Variants in OSBPL3 observed in about 807,000 individuals in gnomAD.
The protein encoded by OSBPL3 is oxysterol-binding protein-related protein 3.
A neutral mutation model predicts 120.1 loss-of-function variants in OSBPL3; 65 were observed. That is an observed-to-expected ratio of 0.54 (90% CI 0.44 to 0.67). The LOEUF (loss-of-function observed/expected upper bound fraction) is 0.67. Among genes scored for constraint, OSBPL3 ranks in the 30% least tolerant of loss-of-function variants. The pLI is 0.00. For missense variants in OSBPL3, 1,004 were observed against 1,082.1 expected (o/e 0.93, Z 1.01); for synonymous variants, 416 against 402.6 (o/e 1.03, Z -0.40).
At chr7:24,981,040 T>C (rs1449357712), upstream of OSBPL3, among the ~76,000 whole-genome samples, 1 of 151,892 alleles carries the variant, frequency 6.6e-6, no homozygotes, top group Non-Finnish European at 1.5e-5. The surrounding 1 kb of genome is among the most constrained non-coding windows in gnomAD (Gnocchi z 7.3). Context: ...GAGCACCTAG[T>C]ATATGCCAGG....
intron 1 of OSBPL3, among the ~76,000 whole-genome samples, chr7:24,963,720 T>C (rs1816052754): frequency 6.6e-6 from 1 of 152,230 alleles, no homozygotes; most frequent in South Asian, 2.1e-4. Flanking sequence ...TAACCTTAGA[T>C]AAACCATTTC....
chr7:24,938,833 G>T lies in OSBPL3; in HGVS notation c.-150+41053C>A, dbSNP rs867940448. ...TGTGTGTGTGTGTGTGTGTGTGTGTGTTTTGAGAGCAAAACTAATGTGGCC... is the reference window on the plus strand; with the variant it reads ...TGTGTGTGTGTGTGTGTGTGTGTGTTTTTTGAGAGCAAAACTAATGTGGCC... On this transcript the variant is annotated intron_variant, in intron 1 of 22. Transcript: ENST00000313367. This position sits in a 1 kb window ranked among gnomAD's most constrained non-coding sequence, Gnocchi z 5.8. 2.9e-3 allele frequency among the ~76,000 whole-genome samples: 390 copies of T among 136,458 alleles called. 2 individuals are homozygous for T. Among genetic ancestry groups the T allele is most frequent in the African/African-American group, 0.01 (373 of 36,854 alleles). 89.5% of individuals were successfully genotyped at this position (136,458 alleles called of 152,430 possible).
At chr7:24,845,577 C>T (rs1266116217) in intron 12 of OSBPL3, among the ~76,000 whole-genome samples, 2 of 149,652 alleles carry the variant, frequency 1.3e-5, no homozygotes, top group Admixed American at 6.7e-5. Flanking sequence ...TTAGCATTAT[C>T]TCAGTCTGTC....
intron 1 of OSBPL3, among the ~76,000 whole-genome samples, chr7:24,931,324 T>G (rs550279800): frequency 6.6e-5 from 10 of 152,316 alleles, no homozygotes; most frequent in Non-Finnish European, 1.3e-4. Context: ...CACAAATATG[T>G]CCATGTTCTA....
chr7:24,905,184 G>A (rs773964799), intron 1 of OSBPL3, among the ~76,000 whole-genome samples: 1 of 151,888 alleles, frequency 6.6e-6, no homozygotes, highest in Admixed American at 6.6e-5. Context: ...AAGCATCGGG[G>A]GTCAAGAGGA....
At chr7:24,911,614 T>G (rs1808828678) in intron 1 of OSBPL3, among the ~76,000 whole-genome samples, 1 of 152,210 alleles carries the variant, frequency 6.6e-6, no homozygotes, top group Non-Finnish European at 1.5e-5. Context: ...ACCCTGGGAC[T>G]CAGAATCTAA....
At position 24,937,289 on chromosome 7, in the gene OSBPL3, TG is replaced by T. The variant is rs34883240; in HGVS notation, c.-150+42596del. Among the ~76,000 whole-genome samples, 1 of 152,144 alleles carries T rather than the reference TG, an allele frequency of 6.6e-6. No individual in the cohort carries two copies. On this transcript the variant is annotated intron_variant, in intron 1 of 22. Coordinates refer to ENST00000313367, the MANE Select transcript of OSBPL3 (RefSeq NM_015550.4). This position sits in a 1 kb window ranked among gnomAD's most constrained non-coding sequence, Gnocchi z 4.0. ...CCCACCAGGTCCCTCCCACAACACG[TG>T]GGGATTATGGGAACTACAATTCAAG...
intron 1 of OSBPL3, among the ~76,000 whole-genome samples, chr7:24,969,173 T>C (rs796283615): frequency 1.1e-4 from 17 of 152,364 alleles, no homozygotes; most frequent in African/African-American, 3.8e-4. Context: ...CATTTTGTGA[T>C]GTCTGCCAAC....
At chr7:24,954,552 C>T (rs1393077906) in intron 1 of OSBPL3, among the ~76,000 whole-genome samples, 1 of 151,988 alleles carries the variant, frequency 6.6e-6, no homozygotes, top group African/African-American at 2.4e-5. Flanking sequence ...CTCAGTGCTG[C>T]CTGGTCAATT....
In OSBPL3 at chr7:24,798,329, T is replaced by C. The variant is rs1194855134; in HGVS notation, c.*1854A>G. The C allele has an allele frequency of 2.6e-5, 4 of 152,230 alleles. No individual in the cohort carries two copies. Among genetic ancestry groups the C allele is most frequent in the Non-Finnish European group, 5.9e-5 (4 of 68,042 alleles). 9.4% of individuals were successfully genotyped at this position (152,230 alleles called of 1,614,324 possible). On this transcript the variant is annotated 3_prime_UTR_variant, in exon 23 of 23. Transcript: ENST00000313367. The surrounding 1 kb of genome is among the most constrained non-coding windows in gnomAD (Gnocchi z 4.6). ...AATTTAACAGCCAATATTACCACGATTCTACATTTATCCTCACACTGTGGA... is the reference window on the plus strand; with the variant it reads ...AATTTAACAGCCAATATTACCACGACTCTACATTTATCCTCACACTGTGGA...
At position 24,849,870 on chromosome 7, in the gene OSBPL3, G is replaced by T. The variant is rs1798922774; in HGVS notation, c.1159-694C>A. On this transcript the variant is annotated intron_variant, in intron 11 of 22. Coordinates refer to ENST00000313367, the MANE Select transcript of OSBPL3 (RefSeq NM_015550.4). The surrounding 1 kb of genome is among the most constrained non-coding windows in gnomAD (Gnocchi z 5.4). The stretch of plus-strand genomic sequence containing the variant: ...CTTGGGAGGCTGAGGTGGGAGAATT[G>T]CTTGAACCTGGGAGGCTGACAGATG... Among the ~76,000 whole-genome samples, 1 of 151,572 alleles carries T rather than the reference G, an allele frequency of 6.6e-6. No homozygotes were observed. The highest frequency in any genetic ancestry group is 1.5e-5 in the Non-Finnish European group (1 of 67,950).
chr7:24,878,491 G>C (rs1015834521), intron 2 of OSBPL3, among the ~76,000 whole-genome samples: 2 of 152,020 alleles, frequency 1.3e-5, no homozygotes, highest in Non-Finnish European at 2.9e-5. Context: ...TATTAAGAAA[G>C]GCTAACGATC....
chr7:24,973,240 C>G (rs1584770818), intron 1 of OSBPL3, among the ~76,000 whole-genome samples: 2 of 152,294 alleles, frequency 1.3e-5, no homozygotes, highest in South Asian at 4.1e-4. Flanking sequence ...GAGAACTGGG[C>G]TGATTACCTC....
chr7:24,824,060 A>C lies in OSBPL3; in HGVS notation c.1885-3822T>G, dbSNP rs185028187. Among the ~76,000 whole-genome samples, 6 of 152,052 alleles carry C rather than the reference A, an allele frequency of 3.9e-5. No individual in the cohort carries two copies. The highest frequency in any genetic ancestry group is 1.4e-4 in the African/African-American group (6 of 41,466). ...AGCCTGTTGAATAAACCCAATTTAG[A>C]CTTTTTTTTTAAGCATTCTTCCCTA... On this transcript the variant is annotated intron_variant, in intron 16 of 22. Transcript: ENST00000313367. The surrounding 1 kb of genome is among the most constrained non-coding windows in gnomAD (Gnocchi z 4.9).
Position 24,834,776 on chromosome 7 carries a change from T to C in OSBPL3, c.1496-40A>G. 6.7e-7 allele frequency: 1 copy of C among 1,488,716 alleles called. No homozygotes were observed. The highest frequency in any genetic ancestry group is 9.0e-7 in the Non-Finnish European group (1 of 1,114,928). The allele number at this position is 1,488,716 out of a possible 1,614,324, so 92.2% of individuals were successfully genotyped here. On this transcript the variant is annotated intron_variant, in intron 14 of 22. Coordinates refer to ENST00000313367, the MANE Select transcript of OSBPL3 (RefSeq NM_015550.4). The surrounding 1 kb of genome is among the most constrained non-coding windows in gnomAD (Gnocchi z 5.2). The stretch of plus-strand genomic sequence containing the variant: ...GGCCTGGTTGTCTCTATAAAGCTTT[T>C]CATTTTATTCTATTATTTTTAATCC...
chr7:24,909,779 C>CTTTT (rs1808526705), intron 1 of OSBPL3, among the ~76,000 whole-genome samples: 1 of 87,830 alleles, frequency 1.1e-5, no homozygotes, highest in South Asian at 4.0e-4. Flanking sequence ...TTTTTTTTTT[C>CTTTT]TTTCTTTTTT....
In OSBPL3 at chr7:24,820,068, C is replaced by A. The variant is rs1455595736; in HGVS notation, c.1948+107G>T. 12 of 795,052 alleles carry A rather than the reference C, an allele frequency of 1.5e-5. No homozygotes were observed. Among genetic ancestry groups the A allele is most frequent in the Non-Finnish European group, 2.1e-5 (10 of 487,084 alleles). 49.2% of individuals were successfully genotyped at this position (795,052 alleles called of 1,614,324 possible). A position where few individuals can be genotyped will look rare whatever the true frequency, so the allele number is the denominator to read the frequency against. On this transcript the variant is annotated intron_variant, in intron 17 of 22. Transcript: ENST00000313367. The surrounding 1 kb of genome is among the most constrained non-coding windows in gnomAD (Gnocchi z 4.6). Reference sequence around the variant, plus strand: ...CAGATCCTTCCAACCAGGCCCAAATCCAAGGACCACTTTTGATCTCAGTAA... The same window carrying A: ...CAGATCCTTCCAACCAGGCCCAAATACAAGGACCACTTTTGATCTCAGTAA...
intron 2 of OSBPL3, among the ~76,000 whole-genome samples, chr7:24,878,734 A>T (rs1470173160): frequency 6.6e-6 from 1 of 152,220 alleles, no homozygotes; most frequent in Non-Finnish European, 1.5e-5. Flanking sequence ...AAAAGAAAAA[A>T]TTAGTTGGGA....
intron 1 of OSBPL3, among the ~76,000 whole-genome samples, chr7:24,962,799 G>A (rs1482231634): frequency 6.6e-6 from 1 of 152,176 alleles, no homozygotes; most frequent in Non-Finnish European, 1.5e-5. Context: ...AGCAACATAA[G>A]CCAATAAATT....
Sources: gnomAD v4.1 joint callset for allele counts (sites outside exome capture counted in the v4.1 genomes callset) on GRCh38, gnomAD v4.1.1 for gene constraint, Gnocchi (gnomAD v3.1) non-coding constraint, MANE v1.5 for transcripts, NCBI Gene and HGNC (gene_info 2026-07-23, HGNC 2026-07-21) for gene names.